BOC: variants seen among roughly 807,000 people sequenced by gnomAD.
The protein encoded by BOC is BOC cell adhesion associated, oncogene regulated.
In BOC, 76 loss-of-function variants were observed where a neutral mutation model predicts 112.0. The observed-to-expected ratio is 0.68, with a 90% CI of 0.56 to 0.82. The LOEUF is 0.82. BOC is among the 40% of genes least tolerant of loss of function. The pLI, the probability that BOC is intolerant of heterozygous loss-of-function variation, is 0.00. For synonymous variants in BOC, 580 were observed against 599.8 expected (o/e 0.97, Z 0.48); for missense variants, 1,309 against 1,511.7 (o/e 0.87, Z 2.22).
intron 2 of BOC, among the ~76,000 whole-genome samples, chr3:113,248,268 T>C (rs868343215): frequency 2.6e-5 from 4 of 152,198 alleles, no homozygotes; most frequent in African/African-American, 9.7e-5. Flanking sequence ...AACAGTCCCC[T>C]GTGTCAGGCA....
chr3:113,254,715 C>T (rs555633745), intron 4 of BOC, among the ~76,000 whole-genome samples: 2 of 152,348 alleles, frequency 1.3e-5, no homozygotes, highest in Admixed American at 6.5e-5. Flanking sequence ...TGTTCATCCT[C>T]GCACAAAGCA....
intron 2 of BOC, among the ~76,000 whole-genome samples, chr3:113,231,357 A>G (rs976162551): frequency 2.6e-5 from 4 of 152,262 alleles, no homozygotes; most frequent in Non-Finnish European, 5.9e-5. Flanking sequence ...ATGACAACCC[A>G]GATAACTACA....
intron 14 of BOC, 121 bp from the exon 15 acceptor site, chr3:113,280,910 C>T (rs1949132038): frequency 7.3e-7 from 1 of 1,374,624 alleles, no homozygotes; most frequent in South Asian, 1.3e-5. Flanking sequence ...CACACGCCGC[C>T]CCTGTGCCAG....
At position 113,265,228 on chromosome 3, in the gene BOC, A is replaced by C. The variant is rs1947340598; in HGVS notation, c.377-3071A>C. ...TGGGCAGGAGCCTGGGGCCATGAAGATGGAGATGGCATCCTGGTGCCAAAC... is the reference window on the plus strand; with the variant it reads ...TGGGCAGGAGCCTGGGGCCATGAAGCTGGAGATGGCATCCTGGTGCCAAAC... On this transcript the variant is annotated intron_variant, in intron 4 of 19. Transcript: ENST00000682979. 2.0e-5 allele frequency among the ~76,000 whole-genome samples: 3 copies of C among 152,246 alleles called. No individual in the cohort carries two copies. In the South Asian group the frequency reaches 6.2e-4, roughly 31 times the overall value.
chr3:113,237,190 C>G (rs1559823117), intron 2 of BOC, among the ~76,000 whole-genome samples: 1 of 152,146 alleles, frequency 6.6e-6, no homozygotes, highest in East Asian at 1.9e-4. Flanking sequence ...GCTAGGAACA[C>G]TCTCTGGGTG....
intron 2 of BOC, among the ~76,000 whole-genome samples, chr3:113,218,037 T>C (rs545307749): frequency 2.2e-4 from 33 of 152,276 alleles, no homozygotes; most frequent in Admixed American, 5.2e-4. Flanking sequence ...CAGTACCAAG[T>C]GAGGAGACAT....
rs765644461 is a variant in BOC, at chr3:113,283,563, C to T, written c.2587C>T (p.Leu863=). 4.3e-6 allele frequency: 7 copies of T among 1,613,812 alleles called. No homozygotes were observed. The East Asian group carries it at 1.3e-4, about 31-fold the overall frequency. Residue 863 remains leucine, a synonymous_variant, in exon 16 of 20, where the codon CTG becomes TTG. Transcript: ENST00000682979. ...GCCCTATCTGATTGTCGGGGTCGTC[C>T]TGGGCTCCATCGTTCTCATCATCGT... The part of the protein sequence containing the change: ...DLPYLIVGVV[L]GSIVLIIVTF...
chr3:113,220,404 T>A (rs756271215), intron 2 of BOC, among the ~76,000 whole-genome samples: 15 of 152,212 alleles, frequency 9.9e-5, no homozygotes, highest in Non-Finnish European at 2.2e-4. Context: ...TGTGACCAGC[T>A]ACTTGGGTAA....
At chr3:113,249,966 C>A in intron 3 of BOC, 67 bp downstream of exon 3, 2 of 1,420,850 alleles carry the variant, frequency 1.4e-6, no homozygotes, top group Non-Finnish European at 1.9e-6. Flanking sequence ...TCTACAATAA[C>A]TCTTTAAAAA....
chr3:113,273,112 C>T lies in BOC; in HGVS notation c.1005C>T (p.Pro335=), dbSNP rs11710894. The T allele has an allele frequency of 0.21, 330,904 of 1,610,852 alleles. 39,304 individuals carry two copies. Among genetic ancestry groups the T allele is most frequent in the East Asian group, 0.46 (20,691 of 44,696 alleles). ...TGGAGCTATCCCAGCTGGTCATCCC[C>T]TGGGGCCAGAGTGCCAAGCTTACCT... is the stretch of plus-strand genomic sequence containing the variant. ...VTMELSQLVI[P]WGQSAKLTCE... The change falls in exon 8 of 20, where the codon CCC becomes CCT. Residue 335 remains proline, a synonymous_variant. Transcript: ENST00000682979.
At chr3:113,279,185 C>T in intron 11 of BOC, 64 bp from the exon 12 acceptor site, 1 of 1,538,934 alleles carries the variant, frequency 6.5e-7, no homozygotes, top group South Asian at 1.2e-5. Context: ...CGTCATCTCA[C>T]CCTGCTTCCT....
chr3:113,259,958 C>T (rs759689864), intron 4 of BOC, among the ~76,000 whole-genome samples: 2 of 152,214 alleles, frequency 1.3e-5, no homozygotes, highest in Non-Finnish European at 2.9e-5. Context: ...GTTACTAATT[C>T]CTTCTCAGTT....
chr3:113,253,156 ATT>A (rs1945840986), intron 4 of BOC, among the ~76,000 whole-genome samples: 1 of 152,108 alleles, frequency 6.6e-6, no homozygotes, highest in Non-Finnish European at 1.5e-5. Flanking sequence ...CCCTGCTCAT[ATT>A]TTTAAGTTGT....
At chr3:113,219,970 C>G (rs1940272693) in intron 2 of BOC, among the ~76,000 whole-genome samples, 1 of 152,062 alleles carries the variant, frequency 6.6e-6, no homozygotes. Flanking sequence ...CCAGATGAAT[C>G]CTTTTGCTCC....
chr3:113,233,815 C>A (rs1413496279), intron 2 of BOC, among the ~76,000 whole-genome samples: 2 of 151,384 alleles, frequency 1.3e-5, no homozygotes, highest in African/African-American at 4.9e-5. Flanking sequence ...CCACCCCCAC[C>A]CACCCCATGC....
At chr3:113,230,485 C>T (rs960412155) in intron 2 of BOC, among the ~76,000 whole-genome samples, 1 of 152,204 alleles carries the variant, frequency 6.6e-6, no homozygotes, top group Non-Finnish European at 1.5e-5. Context: ...ACAGTCTAGG[C>T]TTTGAATCCT....
Position 113,278,563 on chromosome 3 carries a change from T to G in BOC, c.1706-110T>G. ...ACCCTCAGTGCCCCGGATGCTTATT[T>G]GCATCACTTTGTCATGCCGCTTAGC... On this transcript the variant is annotated intron_variant, in intron 10 of 19. Transcript: ENST00000682979. The surrounding 1 kb of genome is among the most constrained non-coding windows in gnomAD (Gnocchi z 4.2). 1.0e-6 allele frequency: 1 copy of G among 984,826 alleles called. No homozygotes were observed. The highest frequency in any genetic ancestry group is 1.5e-6 in the Non-Finnish European group (1 of 649,390). 61.0% of individuals were successfully genotyped at this position (984,826 alleles called of 1,614,324 possible). A position where few individuals can be genotyped will look rare whatever the true frequency, so the allele number is the denominator to read the frequency against.
chr3:113,224,575 T>TG (rs577409711), intron 2 of BOC, among the ~76,000 whole-genome samples: 5 of 71,368 alleles, frequency 7.0e-5, no homozygotes, highest in Middle Eastern at 8.8e-3. Flanking sequence ...GGGGTGGGGG[T>TG]GGGGGGTCAC....
intron 4 of BOC, among the ~76,000 whole-genome samples, chr3:113,255,109 A>T (rs1055032180): frequency 1.5e-4 from 22 of 151,660 alleles, no homozygotes; most frequent in East Asian, 3.9e-4. Flanking sequence ...CTAAACTTTA[A>T]AAAAAAAAGA....
Sources: allele counts gnomAD v4.1 joint callset (sites outside exome capture counted in the v4.1 genomes callset), GRCh38; gene constraint gnomAD v4.1.1; non-coding constraint Gnocchi (gnomAD v3.1); transcripts MANE v1.5; gene names NCBI Gene and HGNC (gene_info 2026-07-23, HGNC 2026-07-21).